Variants in FAM107B observed in about 807,000 individuals in gnomAD.
FAM107B encodes protein FAM107B.
Under a neutral mutation model 31.5 loss-of-function variants are expected in FAM107B, and 21 were observed. That is an observed-to-expected ratio of 0.67 (90% confidence interval 0.47 to 0.96). FAM107B has a LOEUF of 0.96. FAM107B is among the 40% of genes least tolerant of loss of function. The probability of loss-of-function intolerance (pLI) is 0.00; values close to 1 mark genes in which losing one functional copy is unlikely to be tolerated. For missense variants in FAM107B, 452 were observed against 377.1 expected (o/e 1.20, Z -1.64); for synonymous variants, 157 against 141.5 (o/e 1.11, Z -0.78).
intron 2 of FAM107B, among the ~76,000 whole-genome samples, chr10:14,537,662 A>G (rs1165758352): frequency 6.6e-6 from 1 of 151,834 alleles, no homozygotes; most frequent in Non-Finnish European, 1.5e-5. Context: ...ACACGGTGAA[A>G]CCCTGTCTCT....
intron 1 of FAM107B, among the ~76,000 whole-genome samples, chr10:14,706,731 A>G (rs958984609): frequency 2.0e-5 from 3 of 152,132 alleles, no homozygotes; most frequent in Non-Finnish European, 2.9e-5. Context: ...CATGCTGGAG[A>G]CTATCTTTTC....
At chr10:14,659,839 C>T (rs189551067) in intron 2 of FAM107B, among the ~76,000 whole-genome samples, 9 of 152,330 alleles carry the variant, frequency 5.9e-5, no homozygotes, top group East Asian at 1.9e-4. Flanking sequence ...GCCTTATGTG[C>T]GCAGCAACAA....
chr10:14,641,920 T>C (rs1223295840), intron 2 of FAM107B, among the ~76,000 whole-genome samples: 2 of 152,236 alleles, frequency 1.3e-5, no homozygotes, highest in Non-Finnish European at 2.9e-5. Flanking sequence ...TCAACTGTAA[T>C]GTCTAAAGTC....
chr10:14,760,266 C>T (rs964136597), intron 1 of FAM107B, among the ~76,000 whole-genome samples: 1 of 152,194 alleles, frequency 6.6e-6, no homozygotes, highest in South Asian at 2.1e-4. Context: ...CATTTCCTGG[C>T]CCCTCACTGA....
chr10:14,618,532 T>G (rs934345189), intron 2 of FAM107B, among the ~76,000 whole-genome samples: 2 of 152,166 alleles, frequency 1.3e-5, no homozygotes, highest in African/African-American at 4.8e-5. Context: ...GAATGTGACC[T>G]TATTTGGAAA....
At chr10:14,710,753 T>G (rs1392298952) in intron 1 of FAM107B, among the ~76,000 whole-genome samples, 3 of 152,168 alleles carry the variant, frequency 2.0e-5, no homozygotes, top group Non-Finnish European at 1.5e-5. Context: ...GAAACAAGAT[T>G]ATAGAGTATG....
intron 2 of FAM107B, among the ~76,000 whole-genome samples, chr10:14,620,231 A>C (rs566533009): frequency 5.4e-4 from 82 of 151,992 alleles, no homozygotes; most frequent in East Asian, 1.7e-3. Flanking sequence ...GTTGGCCAGG[A>C]TGGTCTCGAT....
intron 1 of FAM107B, among the ~76,000 whole-genome samples, chr10:14,706,099 A>G (rs1805475194): frequency 6.6e-6 from 1 of 152,200 alleles, no homozygotes; most frequent in Non-Finnish European, 1.5e-5. Flanking sequence ...CCTGATAAAC[A>G]TTCTTTCCTG....
intron 1 of FAM107B, among the ~76,000 whole-genome samples, chr10:14,685,398 C>T (rs1014153823): frequency 1.3e-5 from 2 of 152,238 alleles, no homozygotes; most frequent in Admixed American, 6.5e-5. Context: ...ATCCTCCCAC[C>T]TAGGCCTCCC....
At chr10:14,737,701 C>T (rs999304561) in intron 1 of FAM107B, among the ~76,000 whole-genome samples, 1 of 151,654 alleles carries the variant, frequency 6.6e-6, no homozygotes, top group Non-Finnish European at 1.5e-5. Context: ...CTTCCCCAAT[C>T]GAGAGGTTTC....
chr10:14,610,126 G>A (rs1220423649), intron 2 of FAM107B, among the ~76,000 whole-genome samples: 2 of 152,142 alleles, frequency 1.3e-5, no homozygotes, highest in Admixed American at 6.5e-5. Context: ...GGTGGATCAC[G>A]AGGTCAGGAG....
intron 2 of FAM107B, among the ~76,000 whole-genome samples, chr10:14,621,435 T>C (rs536376511): frequency 6.6e-6 from 1 of 152,374 alleles, no homozygotes; most frequent in East Asian, 1.9e-4. Context: ...GGATGAAATA[T>C]TTCCTCCTGT....
chr10:14,745,655 G>T (rs1457311996), intron 1 of FAM107B, among the ~76,000 whole-genome samples: 3 of 152,082 alleles, frequency 2.0e-5, no homozygotes, highest in Admixed American at 2.0e-4. Context: ...TCTGCTCTTT[G>T]GTCTGAGAGA....
intron 2 of FAM107B, among the ~76,000 whole-genome samples, chr10:14,558,178 A>AGT (rs199648600): frequency 5.0e-5 from 7 of 139,754 alleles, no homozygotes; most frequent in African/African-American, 1.0e-4. Flanking sequence ...CCTCCCCACC[A>AGT]GTGTGTGTGT....
chr10:14,551,832 C>T (rs1448544166), intron 2 of FAM107B, among the ~76,000 whole-genome samples: 2 of 151,962 alleles, frequency 1.3e-5, no homozygotes, highest in Non-Finnish European at 2.9e-5. Context: ...CTATTTGTAC[C>T]TTTCTGGCTT....
chr10:14,687,368 T>C (rs1362720209), intron 1 of FAM107B, among the ~76,000 whole-genome samples: 1 of 152,170 alleles, frequency 6.6e-6, no homozygotes, highest in Non-Finnish European at 1.5e-5. Flanking sequence ...CATTCTGAGC[T>C]CTTTAGAATA....
chr10:14,601,245 A>C (rs1472230733), intron 2 of FAM107B, among the ~76,000 whole-genome samples: 1 of 152,116 alleles, frequency 6.6e-6, no homozygotes, highest in Non-Finnish European at 1.5e-5. Context: ...TGGCAATCTA[A>C]TCCAGCTTGC....
At chr10:14,602,176 G>C (rs901284047) in intron 2 of FAM107B, among the ~76,000 whole-genome samples, 6 of 152,128 alleles carry the variant, frequency 3.9e-5, no homozygotes, top group Non-Finnish European at 8.8e-5. Flanking sequence ...TCACTCACAG[G>C]CTACTACTGC....
chr10:14,718,630 T>C (rs754775185), intron 1 of FAM107B, among the ~76,000 whole-genome samples: 12 of 152,164 alleles, frequency 7.9e-5, no homozygotes, highest in Non-Finnish European at 1.3e-4. Flanking sequence ...GTAGGAAGAA[T>C]GCACCAACCA....
Sources: allele counts gnomAD v4.1 joint callset (sites outside exome capture counted in the v4.1 genomes callset), GRCh38; gene constraint gnomAD v4.1.1; transcripts MANE v1.5; gene names NCBI Gene and HGNC (gene_info 2026-07-23, HGNC 2026-07-21).